The following AAK1 variants were observed in gnomAD, a reference collection of about 807,000 sequenced individuals.
AAK1 encodes the protein AP2-associated protein kinase 1.
A neutral mutation model predicts 116.0 loss-of-function variants in AAK1; 37 were observed. The ratio of observed to expected loss-of-function variants is 0.32; its 90% confidence interval spans 0.25 to 0.42. The LOEUF (loss-of-function observed/expected upper bound fraction) is 0.42, where lower values mean the gene tolerates loss of function less well. Ranked by LOEUF, AAK1 falls within the 10% of genes least tolerant of loss-of-function variation. The pLI is 1.00. For missense variants in AAK1, 919 were observed against 1,170.6 expected (o/e 0.79, Z 3.14); for synonymous variants, 458 against 439.9 (o/e 1.04, Z -0.51).
chr2:69,609,277 C>A (rs1419960818), intron 2 of AAK1, among the ~76,000 whole-genome samples: 1 of 152,074 alleles, frequency 6.6e-6, no homozygotes, highest in East Asian at 1.9e-4. Flanking sequence ...GTGGGAGAAT[C>A]ACCTAAACCC....
chr2:69,643,032 C>T lies in AAK1; in HGVS notation c.9G>A (p.Lys3=). MK[K]FFDSRREQGG... ...CCTGCTCTCGCCGGGAGTCGAAAAA[C>T]TTCTTCATCTTGCGAATAGGGAGCA... The change falls in exon 2 of 22, where the codon AAG becomes AAA. Residue 3 remains lysine (K), a synonymous_variant. Coordinates refer to ENST00000409085, the MANE Select transcript of AAK1 (RefSeq NM_014911.5). 1.2e-6 allele frequency: 2 copies of T among 1,600,856 alleles called. No individual in the cohort carries two copies. Among genetic ancestry groups the T allele is most frequent in the Non-Finnish European group, 1.7e-6 (2 of 1,174,466 alleles).
Position 69,480,955 on chromosome 2 carries a change from G to A in AAK1, c.2474C>T (p.Ala825Val). ...GSTSDAVIEKADVAVESLIPG... is the reference protein window; with the variant it reads ...GSTSDAVIEKVDVAVESLIPG... Reference sequence around the variant, plus strand: ...TATGAGACTCTCAACAGCAACATCAGCTTTTTCTTTCGTAACAGAGCATTA... The same window carrying A: ...TATGAGACTCTCAACAGCAACATCAACTTTTTCTTTCGTAACAGAGCATTA... The change falls in exon 19 of 22, where the codon GCT (alanine) becomes GTT (valine). Residue 825 changes from alanine to valine, a missense_variant. This residue lies in a region of AAK1 where 263 missense variants were observed against 285.5 expected (regional missense o/e 0.92). Transcript: ENST00000409085. The A allele has an allele frequency of 6.2e-7, 1 of 1,601,658 alleles. No individual in the cohort carries two copies. The highest frequency in any genetic ancestry group is 8.5e-7 in the Non-Finnish European group (1 of 1,174,500).
At position 69,469,505 on chromosome 2, in the gene AAK1, CTT is replaced by C. The variant is rs767811548; in HGVS notation, c.*6362_*6363del. 3 of 985,432 alleles carry C rather than the reference CTT, an allele frequency of 3.0e-6. No individual in the cohort carries two copies. Among genetic ancestry groups the C allele is most frequent in the Non-Finnish European group, 3.6e-6 (3 of 829,920 alleles). The allele number at this position is 985,432 out of a possible 1,614,324, so 61.0% of individuals were successfully genotyped here. ...CAAGAAAACGTGTTTGAAGCAGTCT[CTT>C]TACTAGCATTGAAGGATTTATACTA... On this transcript the variant is annotated 3_prime_UTR_variant, in exon 22 of 22. Coordinates refer to ENST00000409085, the MANE Select transcript of AAK1 (RefSeq NM_014911.5).
Position 69,473,019 on chromosome 2 carries a change from T to A in AAK1, c.*2850A>T, listed in dbSNP as rs1674732021. 1 of 977,750 alleles carries A rather than the reference T, an allele frequency of 1.0e-6. No homozygotes were observed. Among genetic ancestry groups the A allele is most frequent in the Non-Finnish European group, 1.2e-6 (1 of 822,536 alleles). The allele number at this position is 977,750 out of a possible 1,614,324, so 60.6% of individuals were successfully genotyped here. A position where few individuals can be genotyped will look rare whatever the true frequency, so the allele number is the denominator to read the frequency against. On this transcript the variant is annotated 3_prime_UTR_variant, in exon 22 of 22. Coordinates refer to ENST00000409085, the MANE Select transcript of AAK1 (RefSeq NM_014911.5). ...CTGAAGAACATCAGGATTATATAAA[T>A]CCTTCATAGCCCTTCTCAATATAAT...
chr2:69,493,439 G>C (rs1675620267), intron 17 of AAK1, among the ~76,000 whole-genome samples: 1 of 152,054 alleles, frequency 6.6e-6, no homozygotes, highest in African/African-American at 2.4e-5. Context: ...GACTGGCTGG[G>C]AGTTGGCAGA....
chr2:69,624,071 A>AG (rs1674789403), intron 2 of AAK1, among the ~76,000 whole-genome samples: 1 of 152,084 alleles, frequency 6.6e-6, no homozygotes, highest in South Asian at 2.1e-4. Context: ...GAAGGAAGGG[A>AG]GGGAGCTAGA....
At chr2:69,547,541 T>C (rs1354135107) in intron 3 of AAK1, among the ~76,000 whole-genome samples, 1 of 152,016 alleles carries the variant, frequency 6.6e-6, no homozygotes, top group Non-Finnish European at 1.5e-5. Context: ...TAGGGAAATA[T>C]AAATAAAAAA....
In AAK1 at chr2:69,520,967, G is replaced by T. The variant is rs772758277; in HGVS notation, c.1077C>A (p.Thr359=). ...PKARLTDPIP[T]TETSIAPRQR... ...GGCGGGGTGCAATTGAAGTCTCTGTGGTGGGAATGGGATCTGTCAGTCTAG... is the reference window on the plus strand; with the variant it reads ...GGCGGGGTGCAATTGAAGTCTCTGTTGTGGGAATGGGATCTGTCAGTCTAG... Residue 359 remains threonine, a synonymous_variant, in exon 11 of 22, where the codon ACC becomes ACA. Coordinates refer to ENST00000409085, the MANE Select transcript of AAK1 (RefSeq NM_014911.5). 25 of 1,613,954 alleles carry T rather than the reference G, an allele frequency of 1.5e-5. No homozygotes were observed. Among genetic ancestry groups the T allele is most frequent in the Non-Finnish European group, 2.1e-5 (25 of 1,179,846 alleles).
At chr2:69,548,414 CTTCTT>C (rs1196978042) in intron 3 of AAK1, among the ~76,000 whole-genome samples, 4 of 152,090 alleles carry the variant, frequency 2.6e-5, no homozygotes, top group Non-Finnish European at 5.9e-5. Flanking sequence ...ACAAGCTTTC[CTTCTT>C]TTCTTTTCTT....
intron 12 of AAK1, among the ~76,000 whole-genome samples, chr2:69,516,529 A>G (rs959919287): frequency 3.3e-5 from 5 of 152,146 alleles, no homozygotes; most frequent in Admixed American, 3.3e-4. Context: ...TCTAAACATT[A>G]TTTGCACTAA....
rs1056406803 is a variant in AAK1, at chr2:69,459,895, A to G, written c.*15974T>C. 6 of 152,182 alleles carry G rather than the reference A, an allele frequency of 3.9e-5. No individual in the cohort carries two copies. Among genetic ancestry groups the G allele is most frequent in the Non-Finnish European group, 5.9e-5 (4 of 68,020 alleles). The allele number at this position is 152,182 out of a possible 1,614,324, so 9.4% of individuals were successfully genotyped here. A position where few individuals can be genotyped will look rare whatever the true frequency, so the allele number is the denominator to read the frequency against. ...AAGTGTTCTTGGTGGTTAAAAAACA[A>G]AACAAAACTACAAGTATCAGCTGAG... On this transcript the variant is annotated 3_prime_UTR_variant, in exon 22 of 22. Transcript: ENST00000409085.
intron 2 of AAK1, among the ~76,000 whole-genome samples, chr2:69,582,593 T>C (rs1438931102): frequency 6.6e-6 from 1 of 152,098 alleles, no homozygotes; most frequent in African/African-American, 2.4e-5. Context: ...GGGCGGAACA[T>C]CATAACCCAC....
chr2:69,485,912 G>T (rs182207213), intron 17 of AAK1, among the ~76,000 whole-genome samples: 1 of 151,732 alleles, frequency 6.6e-6, no homozygotes, highest in Non-Finnish European at 1.5e-5. Context: ...ACCCACCTTG[G>T]CCTCCCAAAG....
intron 10 of AAK1, among the ~76,000 whole-genome samples, chr2:69,521,491 T>A (rs898232562): frequency 6.6e-6 from 1 of 152,150 alleles, no homozygotes. Flanking sequence ...GAATCCAACA[T>A]GGGAACTGGA....
At chr2:69,546,725 C>T (rs10177493) in intron 3 of AAK1, among the ~76,000 whole-genome samples, 20 of 152,072 alleles carry the variant, frequency 1.3e-4, no homozygotes, top group African/African-American at 4.4e-4. Context: ...CCAATGCAAT[C>T]GTATTAAGAG....
Position 69,474,094 on chromosome 2 carries a change from C to T in AAK1, c.*1775G>A. On this transcript the variant is annotated 3_prime_UTR_variant, in exon 22 of 22. Transcript: ENST00000409085. ...AGGCTGGAAGATTCAGACTTTTCCT[C>T]CAATGCCTTTCAAAGGCTACTCGCA... The T allele has an allele frequency of 1.0e-6, 1 of 985,868 alleles. No homozygotes were observed. Among genetic ancestry groups the T allele is most frequent in the Non-Finnish European group, 1.2e-6 (1 of 829,930 alleles). The allele number at this position is 985,868 out of a possible 1,614,324, so 61.1% of individuals were successfully genotyped here. A position where few individuals can be genotyped will look rare whatever the true frequency, so the allele number is the denominator to read the frequency against.
At chr2:69,496,191 T>C (rs1675734235) in intron 16 of AAK1, 111 bp from the exon 17 acceptor site, 2 of 711,190 alleles carry the variant, frequency 2.8e-6, no homozygotes, top group Non-Finnish European at 4.8e-6. Flanking sequence ...CAGTTCAAAC[T>C]ACAGAGTAAG....
intron 2 of AAK1, among the ~76,000 whole-genome samples, chr2:69,624,262 CA>C (rs1406986702): frequency 6.6e-6 from 1 of 152,150 alleles, no homozygotes; most frequent in Non-Finnish European, 1.5e-5. Flanking sequence ...AACAAGTACT[CA>C]AAGGCTTAAA....
intron 3 of AAK1, among the ~76,000 whole-genome samples, chr2:69,553,914 G>GA (rs1343339310): frequency 1.5e-3 from 200 of 136,814 alleles, no homozygotes; most frequent in South Asian, 1.6e-3. Context: ...TGTCTCTAAG[G>GA]AAAAAAAAAA....
Sources: gnomAD v4.1 joint callset for allele counts (sites outside exome capture counted in the v4.1 genomes callset) on GRCh38, gnomAD v4.1.1 for gene constraint, gnomAD v4.1.1 regional missense constraint, MANE v1.5 for transcripts, NCBI Gene and HGNC (gene_info 2026-07-23, HGNC 2026-07-21) for gene names.